The following IFT140 variants were observed in gnomAD, a reference collection of about 807,000 sequenced individuals.
IFT140 encodes intraflagellar transport 140.
IFT140 carries 133 observed loss-of-function variants against 164.6 expected under a neutral mutation model. The observed-to-expected ratio is 0.81, with a 90% CI of 0.70 to 0.93. IFT140 has a LOEUF of 0.93. IFT140 is among the 40% of genes least tolerant of loss of function. The pLI, the probability that IFT140 is intolerant of heterozygous loss-of-function variation, is 0.00. For missense variants in IFT140, 2,045 were observed against 1,972.3 expected (o/e 1.04, Z -0.70); for synonymous variants, 860 against 817.3 (o/e 1.05, Z -0.89).
chr16:1,553,032 G>GAACACAGA lies in IFT140; in HGVS notation c.2399+4895_2399+4902dup, dbSNP rs1471284116. 1.0e-6 allele frequency: 1 copy of GAACACAGA among 985,282 alleles called. No homozygotes were observed. Among genetic ancestry groups the GAACACAGA allele is most frequent in the East Asian group, 1.1e-4 (1 of 8,834 alleles). The allele number at this position is 985,282 out of a possible 1,614,324, so 61.0% of individuals were successfully genotyped here. On this transcript the variant is annotated intron_variant, in intron 19 of 30. Coordinates refer to ENST00000426508, the MANE Select transcript of IFT140 (RefSeq NM_014714.4). This position sits in a 1 kb window ranked among gnomAD's most constrained non-coding sequence, Gnocchi z 4.4. ...AGCTCCATGAAGTATTATAAAGAAT[G>GAACACAGA]AACACAGAAACCAGTCACTGTCATT... is the stretch of plus-strand genomic sequence containing the variant.
chr16:1,587,149 A>G (rs753519761), intron 9 of IFT140, 49 bp downstream of exon 9: 4 of 1,187,288 alleles, frequency 3.4e-6, no homozygotes, highest in South Asian at 1.2e-5. Flanking sequence ...CCGGCGCACA[A>G]TGCTTGTGGT....
chr16:1,519,843 T>G lies in IFT140; in HGVS notation c.4040+38A>C, dbSNP rs754092433. ...GGTCAGCCCCGGCCCTGTAGTCACATCTGCCCTGGCCTGTCCCCGCTGGCC... is the reference window on the plus strand; with the variant it reads ...GGTCAGCCCCGGCCCTGTAGTCACAGCTGCCCTGGCCTGTCCCCGCTGGCC... On this transcript the variant is annotated intron_variant, in intron 29 of 30. Transcript: ENST00000426508. 6 of 1,505,774 alleles carry G rather than the reference T, an allele frequency of 4.0e-6. No individual in the cohort carries two copies. The South Asian group carries it at 8.1e-5, about 20-fold the overall frequency. The allele number at this position is 1,505,774 out of a possible 1,614,324, so 93.3% of individuals were successfully genotyped here.
At chr16:1,586,912 GCTC>G (rs2034916524) in intron 9 of IFT140, among the ~76,000 whole-genome samples, 2 of 152,188 alleles carry the variant, frequency 1.3e-5, no homozygotes, top group Non-Finnish European at 2.9e-5. Context: ...TCACTATGTA[GCTC>G]AGGCTGGTCT....
rs1002410674 is a variant in IFT140 at position 1,535,172 on chromosome 16, C to T, written c.2400-8376G>A. On this transcript the variant is annotated intron_variant, in intron 19 of 30. Coordinates refer to ENST00000426508, the MANE Select transcript of IFT140 (RefSeq NM_014714.4). Reference sequence around the variant, plus strand: ...GGGTCTTTGAGGCAGAGAGCAGCAGCAGGATCCCCAGGGATGAGCTTCAGA... The same window carrying T: ...GGGTCTTTGAGGCAGAGAGCAGCAGTAGGATCCCCAGGGATGAGCTTCAGA... Among the ~76,000 whole-genome samples the T allele has an allele frequency of 2.0e-5, 3 of 152,250 alleles. No homozygotes were observed. The South Asian group carries it at 6.2e-4, about 32-fold the overall frequency.
At chr16:1,563,287 T>A (rs550562342) in intron 17 of IFT140, among the ~76,000 whole-genome samples, 59 of 151,292 alleles carry the variant, frequency 3.9e-4, no homozygotes, top group Middle Eastern at 6.8e-3. Context: ...CAACACTGAC[T>A]GCAGATAACT....
chr16:1,521,894 T>C (rs1363777015), intron 26 of IFT140, among the ~76,000 whole-genome samples: 1 of 136,954 alleles, frequency 7.3e-6, no homozygotes, highest in East Asian at 2.1e-4. Context: ...CAAATATATA[T>C]GAAGTAATAA....
At chr16:1,561,670 G>A (rs1335882263) in intron 18 of IFT140, among the ~76,000 whole-genome samples, 1 of 152,240 alleles carries the variant, frequency 6.6e-6, no homozygotes, top group African/African-American at 2.4e-5. Context: ...AGCATTCGGG[G>A]AAAAGGCAAG....
chr16:1,602,421 G>T lies in IFT140; in HGVS notation c.318C>A (p.Ile106=). The part of the protein sequence containing the change: ...HTMPLTHTAD[I]TVLRWSPSGN... ...CACTGGGGCTCCAACGGAGCACGGT[G>T]ATGTCGGCTGTGTGTGTCAGGGGCA... Residue 106 remains isoleucine, a synonymous_variant, in exon 4 of 31, where the codon ATC becomes ATA. Transcript: ENST00000426508. 6.2e-7 allele frequency: 1 copy of T among 1,614,258 alleles called. No individual in the cohort carries two copies. Among genetic ancestry groups the T allele is most frequent in the Non-Finnish European group, 8.5e-7 (1 of 1,180,052 alleles).
At position 1,558,117 on chromosome 16, in the gene IFT140, T is replaced by C; in HGVS notation, c.2217A>G (p.Arg739=). Residue 739 remains arginine (R), a synonymous_variant, in exon 19 of 31, where the codon AGA becomes AGG. Coordinates refer to ENST00000426508, the MANE Select transcript of IFT140 (RefSeq NM_014714.4). ...GGCACCCAGGCTCCACCTCGTCTTC[T>C]CTGTCTGCTTCTTCGGGCTAAATGA... The part of the protein sequence containing the change: ...YFTRKPEEAD[R]EDEVEPGCHH... 1 of 1,614,140 alleles carries C rather than the reference T, an allele frequency of 6.2e-7. No homozygotes were observed. Among genetic ancestry groups the C allele is most frequent in the Non-Finnish European group, 8.5e-7 (1 of 1,180,006 alleles).
chr16:1,524,685 A>C lies in IFT140; in HGVS notation c.3008T>G (p.Ile1003Arg). 5 of 1,574,620 alleles carry C rather than the reference A, an allele frequency of 3.2e-6. No homozygotes were observed. The highest frequency in any genetic ancestry group is 4.3e-6 in the Non-Finnish European group (5 of 1,155,022). The change falls in exon 24 of 31, where the codon ATA becomes AGA. Residue 1003 changes from isoleucine to arginine, a missense_variant. By Grantham distance (97) the Ile-to-Arg change is moderately conservative (BLOSUM62 -3). Transcript: ENST00000426508. Reference sequence around the variant, plus strand: ...CGCCAGGTTTCCTGTCTCGTTGGCTATTTGCGCAGCCTAGAAAGACAAAGA... The same window carrying C: ...CGCCAGGTTTCCTGTCTCGTTGGCTCTTTGCGCAGCCTAGAAAGACAAAGA... ...FQGNVQKAAQ[I>R]ANETGNLAAS...
chr16:1,595,624 C>G, intron 4 of IFT140, among the ~76,000 whole-genome samples: 1 of 143,402 alleles, frequency 7.0e-6, no homozygotes, highest in South Asian at 2.2e-4. Context: ...AAAAAGGAAA[C>G]TTACACAAGG....
rs1001447189 is a variant in IFT140, at chr16:1,564,811, C to T, written c.1902-649G>A. Among the ~76,000 whole-genome samples, 33 of 152,216 alleles carry T rather than the reference C, an allele frequency of 2.2e-4. No homozygotes were observed. Among genetic ancestry groups the T allele is most frequent in the Non-Finnish European group, 1.3e-4 (9 of 68,040 alleles). ...TGGGACCCTGCCGGGCAGCACGACCCATGGCTGCTGAAGAAGGACAGGACC... is the reference window on the plus strand; with the variant it reads ...TGGGACCCTGCCGGGCAGCACGACCTATGGCTGCTGAAGAAGGACAGGACC... On this transcript the variant is annotated intron_variant, in intron 16 of 30. Coordinates refer to ENST00000426508, the MANE Select transcript of IFT140 (RefSeq NM_014714.4). The surrounding 1 kb of genome is among the most constrained non-coding windows in gnomAD (Gnocchi z 5.5).
intron 19 of IFT140, among the ~76,000 whole-genome samples, chr16:1,547,861 T>C (rs184030700): frequency 2.6e-5 from 4 of 152,192 alleles, no homozygotes; most frequent in Admixed American, 1.3e-4. Flanking sequence ...TCTTAAAGCA[T>C]AGATGGGGTC....
intron 19 of IFT140, among the ~76,000 whole-genome samples, chr16:1,535,841 A>C (rs2031012433): frequency 6.6e-6 from 1 of 152,196 alleles, no homozygotes; most frequent in Non-Finnish European, 1.5e-5. Context: ...AAAAGATCAA[A>C]GCCTATGAAT....
Position 1,598,609 on chromosome 16 carries a change from C to G in IFT140, c.369+3761G>C, listed in dbSNP as rs545858685. 5.3e-5 allele frequency among the ~76,000 whole-genome samples: 8 copies of G among 152,380 alleles called. No individual in the cohort carries two copies. The South Asian group carries it at 1.7e-3, about 32-fold the overall frequency. ...TGAGATACTACTTTCCTGAGCAGTT[C>G]TGCTACTCACACGCAACTCTCTAGG... is the stretch of plus-strand genomic sequence containing the variant. On this transcript the variant is annotated intron_variant, in intron 4 of 30. Coordinates refer to ENST00000426508, the MANE Select transcript of IFT140 (RefSeq NM_014714.4).
chr16:1,595,756 T>C (rs2035432771), intron 4 of IFT140, among the ~76,000 whole-genome samples: 1 of 151,974 alleles, frequency 6.6e-6, no homozygotes. Context: ...AAGACAAAAA[T>C]AAAAACACTA....
At chr16:1,541,292 T>TG in intron 19 of IFT140, 1 of 984,732 alleles carries the variant, frequency 1.0e-6, no homozygotes, top group Non-Finnish European at 1.2e-6. Flanking sequence ...GGGGGGCAGG[T>TG]GGGGGGCACT....
chr16:1,515,405 G>T (rs1199161438), intron 30 of IFT140, among the ~76,000 whole-genome samples: 1 of 152,172 alleles, frequency 6.6e-6, no homozygotes, highest in Non-Finnish European at 1.5e-5. Flanking sequence ...AAAAAAATCT[G>T]TCAAATCAGG....
chr16:1,511,152 T>C lies in IFT140; in HGVS notation c.4183-2A>G. ...CATCTCCTCCAGGAATCTGTAGGCC[T>C]GGGGCAGAGGAGCAGACATTACTCA... On this transcript the variant is annotated splice_acceptor_variant, in intron 30 of 30. Coordinates refer to ENST00000426508, the MANE Select transcript of IFT140 (RefSeq NM_014714.4). LOFTEE classifies it high-confidence loss of function. 1 of 1,601,594 alleles carries C rather than the reference T, an allele frequency of 6.2e-7. No homozygotes were observed. The highest frequency in any genetic ancestry group is 8.5e-7 in the Non-Finnish European group (1 of 1,175,148).
Sources: allele counts gnomAD v4.1 joint callset (sites outside exome capture counted in the v4.1 genomes callset), GRCh38; gene constraint gnomAD v4.1.1; non-coding constraint Gnocchi (gnomAD v3.1); transcripts MANE v1.5; gene names NCBI Gene and HGNC (gene_info 2026-07-23, HGNC 2026-07-21).